The following SLC27A4 variants were observed in gnomAD, a reference collection of about 807,000 sequenced individuals.
SLC27A4 encodes the protein solute carrier family 27 member 4, also known as long-chain fatty acid transport protein 4.
In SLC27A4, 33 loss-of-function variants were observed where a neutral mutation model predicts 64.4. That is an observed-to-expected ratio of 0.51 (90% confidence interval 0.39 to 0.68). SLC27A4 has a LOEUF of 0.68. Among genes scored for constraint, SLC27A4 ranks in the 30% least tolerant of loss-of-function variants. The pLI is 0.00. For missense variants in SLC27A4, 824 were observed against 883.5 expected, an observed-to-expected ratio of 0.93 and a Z score of 0.85; for synonymous variants, 377 against 370.0, an observed-to-expected ratio of 1.02 and a Z score of -0.22.
rs1832648814 is a variant in SLC27A4 at position 128,345,792 on chromosome 9, G to T, written c.556+243G>T. ...TTTTCAAAAAGGTACTTCAGACTGG[G>T]CATAGTGGCTCACAGCTGTAATCCC... On this transcript the variant is annotated intron_variant, in intron 3 of 12. Transcript: ENST00000300456. The surrounding 1 kb of genome is among the most constrained non-coding windows in gnomAD (Gnocchi z 4.1). 6.6e-6 allele frequency among the ~76,000 whole-genome samples: 1 copy of T among 152,198 alleles called. No homozygotes were observed.
At chr9:128,341,997 A>G (rs1243804044) in intron 1 of SLC27A4, among the ~76,000 whole-genome samples, 1 of 152,114 alleles carries the variant, frequency 6.6e-6, no homozygotes, top group African/African-American at 2.4e-5. Context: ...TCGGCCTCCC[A>G]AAGTGCTGGG....
chr9:128,344,558 T>C (rs1444485833), intron 2 of SLC27A4, among the ~76,000 whole-genome samples: 1 of 150,684 alleles, frequency 6.6e-6, no homozygotes, highest in African/African-American at 2.4e-5. Flanking sequence ...AGGAATGGGA[T>C]GTTGCCAAGT....
intron 6 of SLC27A4, among the ~76,000 whole-genome samples, chr9:128,351,736 AT>A (rs1832740165): frequency 6.6e-6 from 1 of 152,088 alleles, no homozygotes; most frequent in African/African-American, 2.4e-5. Flanking sequence ...AAATAAATTA[AT>A]TTAATTTAAT....
At position 128,360,417 on chromosome 9, in the gene SLC27A4, G is replaced by A; in HGVS notation, c.1858G>A (p.Ala620Thr). 2 of 1,614,148 alleles carry A rather than the reference G, an allele frequency of 1.2e-6. No individual in the cohort carries two copies. Among genetic ancestry groups the A allele is most frequent in the South Asian group, 1.1e-5 (1 of 91,084 alleles). The change falls in exon 13 of 13, where the codon GCC becomes ACC. Residue 620 changes from alanine (A) to threonine (T), a missense_variant. Physicochemically the swap from Ala to Thr is moderately conservative, Grantham distance 58. Transcript: ENST00000300456. ...GAAAGACCCGCTGTTCTATCTAGAT[G>A]CCCAGAAGGGCCGCTACGTCCCGCT... is the stretch of plus-strand genomic sequence containing the variant. ...IVKDPLFYLDAQKGRYVPLDQ... is the reference protein window; with the variant it reads ...IVKDPLFYLDTQKGRYVPLDQ...
Position 128,340,569 on chromosome 9 carries a change from C to T in SLC27A4, c.-276C>T. The stretch of plus-strand genomic sequence containing the variant: ...GCTGCGCCGCCGGCTCTGTGGCTTG[C>T]CGGCTTCGGGGAAGGTGCGGCAGGC... On this transcript the variant is annotated 5_prime_UTR_variant, in exon 1 of 13. Transcript: ENST00000300456. The T allele has an allele frequency of 4.7e-6, 1 of 211,724 alleles. No homozygotes were observed. Among genetic ancestry groups the T allele is most frequent in the Non-Finnish European group, 9.2e-6 (1 of 108,322 alleles). The allele number at this position is 211,724 out of a possible 1,614,324, so 13.1% of individuals were successfully genotyped here.
At chr9:128,350,619 T>G (rs750012771) in intron 6 of SLC27A4, 44 bp downstream of exon 6, 1 of 1,444,488 alleles carries the variant, frequency 6.9e-7, no homozygotes, top group Admixed American at 1.8e-5. Flanking sequence ...CTGCCAGGTC[T>G]CTAGGAACCC....
At chr9:128,357,324 G>A (rs1225509564) in intron 12 of SLC27A4, among the ~76,000 whole-genome samples, 2 of 151,162 alleles carry the variant, frequency 1.3e-5, no homozygotes, top group African/African-American at 4.9e-5. Context: ...CCAGCGACTC[G>A]GGAGGCTGAG....
At chr9:128,344,247 G>A (rs1201820341) in intron 2 of SLC27A4, among the ~76,000 whole-genome samples, 1 of 152,174 alleles carries the variant, frequency 6.6e-6, no homozygotes, top group Admixed American at 6.6e-5. Context: ...GCTGGGCGCA[G>A]TGGCTCACAC....
Position 128,353,537 on chromosome 9 carries a change from G to A in SLC27A4, c.1320G>A (p.Gln440=). Residue 440 remains glutamine, a synonymous_variant, in exon 9 of 13, where the codon CAG becomes CAA. Coordinates refer to ENST00000300456, the MANE Select transcript of SLC27A4 (RefSeq NM_005094.4). The surrounding 1 kb of genome is among the most constrained non-coding windows in gnomAD (Gnocchi z 4.9). The part of the protein sequence containing the change: ...RGPDGVCIPC[Q]PGEPGQLVGR... The stretch of plus-strand genomic sequence containing the variant: ...CCGACGGCGTCTGCATTCCCTGCCA[G>A]CCAGGTCTGCCACTTCGGGGTCAGA... The A allele has an allele frequency of 1.9e-6, 3 of 1,613,948 alleles. No homozygotes were observed. The highest frequency in any genetic ancestry group is 2.5e-6 in the Non-Finnish European group (3 of 1,179,926).
At chr9:128,359,984 C>T (rs900800797) in intron 12 of SLC27A4, among the ~76,000 whole-genome samples, 9 of 152,162 alleles carry the variant, frequency 5.9e-5, no homozygotes, top group African/African-American at 2.2e-4. Context: ...CACACTGTTA[C>T]CTGGTAGGTA....
At position 128,360,725 on chromosome 9, in the gene SLC27A4, G is replaced by T; in HGVS notation, c.*234G>T. ...GTCTTCTGGGCTGGGCAGGCCCTCT[G>T]GTTCCCAGGCTGAGACTGACGGGTT... On this transcript the variant is annotated 3_prime_UTR_variant, in exon 13 of 13. Coordinates refer to ENST00000300456, the MANE Select transcript of SLC27A4 (RefSeq NM_005094.4). 3.6e-6 allele frequency: 2 copies of T among 557,866 alleles called. No homozygotes were observed. Among genetic ancestry groups the T allele is most frequent in the Non-Finnish European group, 6.4e-6 (2 of 310,622 alleles). 34.6% of individuals were successfully genotyped at this position (557,866 alleles called of 1,614,324 possible). A position where few individuals can be genotyped will look rare whatever the true frequency, so the allele number is the denominator to read the frequency against.
At chr9:128,356,269 G>A (rs757161431) in intron 12 of SLC27A4, among the ~76,000 whole-genome samples, 6 of 152,208 alleles carry the variant, frequency 3.9e-5, no homozygotes, top group African/African-American at 1.4e-4. Context: ...ATGAAAGGAA[G>A]GACTTTATGG....
Position 128,355,107 on chromosome 9 carries a change from T to C in SLC27A4, c.1379T>C (p.Phe460Ser). The C allele has an allele frequency of 6.2e-7, 1 of 1,613,530 alleles. No homozygotes were observed. Among genetic ancestry groups the C allele is most frequent in the Non-Finnish European group, 8.5e-7 (1 of 1,179,798 alleles). ...ATCCAGAAAGACCCCCTGCGCCGCT[T>C]CGATGGCTACCTCAACCAGGGCGCC... ...RIIQKDPLRR[F>S]DGYLNQGANN... Residue 460 changes from phenylalanine (F) to serine (S), a missense_variant, in exon 10 of 13, where the codon TTC becomes TCC. Phe to Ser is a radical substitution (Grantham distance 155, BLOSUM62 -2). Transcript: ENST00000300456.
rs568942426 is a variant in SLC27A4 at position 128,341,461 on chromosome 9, C to T, written c.-7+623C>T. On this transcript the variant is annotated intron_variant, in intron 1 of 12. Transcript: ENST00000300456. ...TAAGCCCTAGACCCCAAAGATTCATCCGAGTGGCTGTGTGTGTCTGTGTGA... is the reference window on the plus strand; with the variant it reads ...TAAGCCCTAGACCCCAAAGATTCATTCGAGTGGCTGTGTGTGTCTGTGTGA... Among the ~76,000 whole-genome samples, 118 of 152,310 alleles carry T rather than the reference C, an allele frequency of 7.7e-4. 6 individuals carry two copies. The South Asian group carries it at 0.024, about 31-fold the overall frequency.
Position 128,345,279 on chromosome 9 carries a change from G to A in SLC27A4, c.286G>A (p.Glu96Lys), listed in dbSNP as rs1039014362. ...RHPDKTALIF[E>K]GTDTHWTFRQ... is the part of the protein sequence containing the mutation. The stretch of plus-strand genomic sequence containing the variant: ...CCCCGACAAGACGGCCCTGATCTTC[G>A]AGGGCACAGATACCCACTGGACCTT... Residue 96 changes from glutamate to lysine, a missense_variant, in exon 3 of 13, where the codon GAG becomes AAG. Coordinates refer to ENST00000300456, the MANE Select transcript of SLC27A4 (RefSeq NM_005094.4). This position sits in a 1 kb window ranked among gnomAD's most constrained non-coding sequence, Gnocchi z 4.1. The A allele has an allele frequency of 1.5e-5, 24 of 1,613,878 alleles. No individual in the cohort carries two copies. Among genetic ancestry groups the A allele is most frequent in the South Asian group, 3.3e-5 (3 of 91,060 alleles).
At chr9:128,348,881 T>C (rs907704640) in intron 4 of SLC27A4, among the ~76,000 whole-genome samples, 178 bp downstream of exon 4, 4 of 152,222 alleles carry the variant, frequency 2.6e-5, no homozygotes, top group African/African-American at 9.6e-5. Flanking sequence ...CCAGGGTTAC[T>C]GTGAAGGTGA....
intron 12 of SLC27A4, among the ~76,000 whole-genome samples, chr9:128,358,167 A>G (rs763686284): frequency 1.4e-4 from 22 of 152,216 alleles, no homozygotes; most frequent in Admixed American, 2.6e-4. Context: ...CAGTTCTTCT[A>G]TTGACCTTGC....
intron 3 of SLC27A4, among the ~76,000 whole-genome samples, chr9:128,348,081 C>T (rs780470399): frequency 2.0e-5 from 3 of 152,034 alleles, no homozygotes; most frequent in East Asian, 1.9e-4. Flanking sequence ...AGCAGGTTCC[C>T]GCTCTCGGAA....
intron 4 of SLC27A4, 104 bp from the exon 5 acceptor site, chr9:128,350,208 T>C: frequency 3.4e-6 from 3 of 872,876 alleles, no homozygotes; most frequent in Non-Finnish European, 5.7e-6. Context: ...AAGGGTGTGA[T>C]GGGAACAGGT....
Sources: allele counts gnomAD v4.1 joint callset (sites outside exome capture counted in the v4.1 genomes callset), GRCh38; gene constraint gnomAD v4.1.1; non-coding constraint Gnocchi (gnomAD v3.1); transcripts MANE v1.5; gene names NCBI Gene and HGNC (gene_info 2026-07-23, HGNC 2026-07-21).